The following ANKRD30BL variants were observed in gnomAD, a reference collection of about 807,000 sequenced individuals.
ANKRD30BL encodes ankyrin repeat domain 30B like.
ANKRD30BL carries 20 observed loss-of-function variants against 18.4 expected under a neutral mutation model. The observed-to-expected ratio is 1.09, with a 90% CI of 0.77 to 1.58. The LOEUF is 1.58. ANKRD30BL is among the 40% of genes most tolerant of loss of function. ANKRD30BL has a pLI of 0.00. For missense variants in ANKRD30BL, 224 were observed against 268.6 expected, an observed-to-expected ratio of 0.83 and a Z score of 1.16; for synonymous variants, 72 against 100.9, an observed-to-expected ratio of 0.71 and a Z score of 1.72.
At chr2:132,238,175 G>A (rs541535683) in intron 1 of ANKRD30BL, among the ~76,000 whole-genome samples, 59 of 152,168 alleles carry the variant, frequency 3.9e-4, no homozygotes, top group Non-Finnish European at 7.4e-4. Context: ...ACTTCTTTGC[G>A]ATGTGCGTAC....
intron 1 of ANKRD30BL, among the ~76,000 whole-genome samples, chr2:132,187,188 G>GTTTTTTTTT (rs1193358076): frequency 7.7e-5 from 7 of 90,620 alleles, no homozygotes; most frequent in African/African-American, 1.6e-4. Context: ...TTTTTTGTTT[G>GTTTTTTTTT]TTTTTTTTTT....
At chr2:132,233,216 A>G (rs1481073460) in intron 1 of ANKRD30BL, among the ~76,000 whole-genome samples, 582 of 140,632 alleles carry the variant, frequency 4.1e-3, no homozygotes, top group South Asian at 7.9e-3. Context: ...AACCAGTACC[A>G]GCCACTGCAA....
chr2:132,149,692 T>G (rs980872719), intron 5 of ANKRD30BL, among the ~76,000 whole-genome samples: 1 of 152,016 alleles, frequency 6.6e-6, no homozygotes, highest in African/African-American at 2.4e-5. Flanking sequence ...TGAATAAGGG[T>G]TTTCACTCTA....
At chr2:132,232,576 A>G (rs1229049060) in intron 1 of ANKRD30BL, among the ~76,000 whole-genome samples, 1 of 152,188 alleles carries the variant, frequency 6.6e-6, no homozygotes, top group Non-Finnish European at 1.5e-5. Context: ...ACTGGAAAAA[A>G]GGGTATCAGC....
intron 3 of ANKRD30BL, chr2:132,155,719 GA>G (rs1306368418): frequency 1.3e-5 from 2 of 152,044 alleles, no homozygotes; most frequent in Non-Finnish European, 2.9e-5. Context: ...TCAACATGGT[GA>G]AACCCCATCT....
chr2:132,175,802 T>C (rs1376604522), intron 1 of ANKRD30BL, among the ~76,000 whole-genome samples: 13 of 152,220 alleles, frequency 8.5e-5, no homozygotes, highest in Non-Finnish European at 1.2e-4. Flanking sequence ...AAACATTTTG[T>C]TAACAAGGCA....
At chr2:132,175,881 GGGGGCAAAGAGGTT>G (rs57839320) in intron 1 of ANKRD30BL, among the ~76,000 whole-genome samples, 78,114 of 151,762 alleles carry the variant, frequency 0.51, 20,319 homozygotes, top group South Asian at 0.61. Flanking sequence ...ATCTCAAGGT[GGGGGCAAAGAGGTT>G]GGGGCAAAGT....
At chr2:132,161,990 C>A (rs1022662533), upstream of ANKRD30BL, 3 of 325,300 alleles carry the variant, frequency 9.2e-6, no homozygotes, top group African/African-American at 6.4e-5. Flanking sequence ...ACCTGGGAGA[C>A]ACGCGAGGCA....
At chr2:132,240,714 C>T (rs1394581373) in intron 1 of ANKRD30BL, among the ~76,000 whole-genome samples, 1 of 151,412 alleles carries the variant, frequency 6.6e-6, no homozygotes, top group South Asian at 2.1e-4. Flanking sequence ...GTGATGTTTG[C>T]ATTAATCTCA....
chr2:132,239,280 G>A (rs543600850), intron 1 of ANKRD30BL, among the ~76,000 whole-genome samples: 1,530 of 151,938 alleles, frequency 0.01, 23 homozygotes, highest in African/African-American at 0.034. Context: ...TGAGGATTTC[G>A]TTGGAAACGG....
At chr2:132,163,650 T>A (rs929395784), upstream of ANKRD30BL, among the ~76,000 whole-genome samples, 4 of 152,210 alleles carry the variant, frequency 2.6e-5, no homozygotes, top group Non-Finnish European at 4.4e-5. Context: ...GATTATGTGA[T>A]AGGGACCATG....
intron 1 of ANKRD30BL, among the ~76,000 whole-genome samples, chr2:132,255,621 T>C (rs1680809366): frequency 6.6e-6 from 1 of 152,166 alleles, no homozygotes; most frequent in Non-Finnish European, 1.5e-5. Flanking sequence ...TTAAAAGATT[T>C]AAAGTGCACT....
intron 1 of ANKRD30BL, among the ~76,000 whole-genome samples, chr2:132,231,511 G>C (rs942109212): frequency 6.6e-6 from 1 of 152,214 alleles, no homozygotes; most frequent in Non-Finnish European, 1.5e-5. Flanking sequence ...GCAGGGCGAT[G>C]CATTGCCTCA....
intron 1 of ANKRD30BL, among the ~76,000 whole-genome samples, chr2:132,174,221 A>T (rs867417092): frequency 6.6e-6 from 1 of 152,244 alleles, no homozygotes; most frequent in Non-Finnish European, 1.5e-5. Flanking sequence ...GTAGGCTTTC[A>T]TGAAATGATT....
intron 1 of ANKRD30BL, among the ~76,000 whole-genome samples, chr2:132,214,800 A>G (rs563868911): frequency 6.6e-6 from 1 of 152,014 alleles, no homozygotes; most frequent in African/African-American, 2.4e-5. Flanking sequence ...GCAAGTGGAC[A>G]TTTGGAGTGC....
chr2:132,230,011 G>A (rs113790405), intron 1 of ANKRD30BL, among the ~76,000 whole-genome samples: 13 of 152,150 alleles, frequency 8.5e-5, no homozygotes, highest in African/African-American at 2.9e-4. Flanking sequence ...TTTCTGATGT[G>A]TGCATTCAAC....
At chr2:132,214,815 A>T (rs1476949867) in intron 1 of ANKRD30BL, among the ~76,000 whole-genome samples, 1 of 151,656 alleles carries the variant, frequency 6.6e-6, no homozygotes, top group African/African-American at 2.4e-5. Context: ...GAGTGCTTTG[A>T]GGCCTATGGT....
chr2:132,222,124 G>T (rs1325964439), intron 1 of ANKRD30BL, among the ~76,000 whole-genome samples: 1 of 149,774 alleles, frequency 6.7e-6, no homozygotes, highest in Non-Finnish European at 1.5e-5. Flanking sequence ...GCCCTATCTG[G>T]GAGGTGAGGG....
At chr2:132,242,989 T>C (rs112182814) in intron 1 of ANKRD30BL, among the ~76,000 whole-genome samples, 1 of 151,724 alleles carries the variant, frequency 6.6e-6, no homozygotes, top group Non-Finnish European at 1.5e-5. Flanking sequence ...GAAACACTCT[T>C]CTTGTAGTAT....
Sources: allele counts gnomAD v4.1 joint callset (sites outside exome capture counted in the v4.1 genomes callset), GRCh38; gene constraint gnomAD v4.1.1; transcripts MANE v1.5; gene names NCBI Gene and HGNC (gene_info 2026-07-23, HGNC 2026-07-21).